Variants in SH3PXD2B observed in about 807,000 individuals in gnomAD.
SH3PXD2B encodes the protein SH3 and PX domain-containing protein 2B.
In SH3PXD2B, 37 loss-of-function variants were observed where a neutral mutation model predicts 73.1. The ratio of observed to expected loss-of-function variants is 0.51; its 90% CI spans 0.39 to 0.67. The LOEUF (loss-of-function observed/expected upper bound fraction) is 0.67, where lower values mean the gene tolerates loss of function less well. SH3PXD2B is among the 30% of genes least tolerant of loss of function. The pLI, the probability that SH3PXD2B is intolerant of heterozygous loss-of-function variation, is 0.00. For synonymous variants in SH3PXD2B, 457 were observed against 480.5 expected (o/e 0.95, Z 0.64); for missense variants, 1,053 against 1,197.8 (o/e 0.88, Z 1.78).
downstream of SH3PXD2B, among the ~76,000 whole-genome samples, chr5:172,329,079 A>ATTT (rs1386540665): frequency 0.012 from 785 of 64,332 alleles, 6 homozygotes; most frequent in South Asian, 0.023. Context: ...ATATATATAT[A>ATTT]TATATTTTTT....
chr5:172,369,057 G>T (rs1757642698), intron 6 of SH3PXD2B, among the ~76,000 whole-genome samples: 1 of 150,134 alleles, frequency 6.7e-6, no homozygotes. Context: ...ACCATGCCTG[G>T]CTAATTTTTG....
intron 12 of SH3PXD2B, among the ~76,000 whole-genome samples, chr5:172,343,514 T>G (rs1183606880): frequency 6.6e-6 from 1 of 152,068 alleles, no homozygotes; most frequent in African/African-American, 2.4e-5. Flanking sequence ...AAATGCAAGA[T>G]CAGAAGCCGG....
intron 5 of SH3PXD2B, among the ~76,000 whole-genome samples, chr5:172,378,114 G>A (rs1042084291): frequency 1.1e-4 from 16 of 152,152 alleles, no homozygotes; most frequent in African/African-American, 3.4e-4. Flanking sequence ...ACCTCCTCTC[G>A]AGGGCTGGCT....
At chr5:172,420,762 T>A (rs572144160) in intron 2 of SH3PXD2B, among the ~76,000 whole-genome samples, 1 of 152,192 alleles carries the variant, frequency 6.6e-6, no homozygotes, top group Non-Finnish European at 1.5e-5. Context: ...CACACAATAA[T>A]GTGTTTGCTG....
chr5:172,453,455 T>G (rs1462154252), intron 1 of SH3PXD2B, among the ~76,000 whole-genome samples: 2 of 152,156 alleles, frequency 1.3e-5, no homozygotes, highest in Non-Finnish European at 2.9e-5. Flanking sequence ...CCTAGGTTGC[T>G]GCGGAAGCCA....
At chr5:172,326,437 G>C (rs80015468) in intron 12 of SH3PXD2B, among the ~76,000 whole-genome samples, 21 of 152,108 alleles carry the variant, frequency 1.4e-4, no homozygotes, top group African/African-American at 5.1e-4. Flanking sequence ...TGAAGGCTTC[G>C]GAGTCTTTAA....
intron 9 of SH3PXD2B, among the ~76,000 whole-genome samples, chr5:172,352,406 A>G (rs1203815957): frequency 6.6e-6 from 1 of 151,960 alleles, no homozygotes; most frequent in African/African-American, 2.4e-5. Context: ...AAAGATTTTT[A>G]TGTAGAGATG....
intron 1 of SH3PXD2B, among the ~76,000 whole-genome samples, 171 bp from the exon 2 acceptor site, chr5:172,422,667 T>C (rs1437990005): frequency 6.6e-6 from 1 of 152,098 alleles, no homozygotes; most frequent in African/African-American, 2.4e-5. Flanking sequence ...CCCTCCTCAA[T>C]AAAATGAGTG....
At chr5:172,356,169 T>G (rs1441421237) in intron 8 of SH3PXD2B, among the ~76,000 whole-genome samples, 1 of 152,070 alleles carries the variant, frequency 6.6e-6, no homozygotes. Context: ...GGACTTGTGT[T>G]AAAGGAGAAG....
At chr5:172,356,749 G>A (rs1261427894) in intron 8 of SH3PXD2B, 20 of 152,388 alleles carry the variant, frequency 1.3e-4, no homozygotes, top group African/African-American at 4.8e-4. Context: ...CCACCGGCCG[G>A]GGCAGAGACC....
chr5:172,332,927 C>G (rs1305021076), downstream of SH3PXD2B, among the ~76,000 whole-genome samples: 1 of 126,968 alleles, frequency 7.9e-6, no homozygotes. Context: ...CAAACCCCCA[C>G]CGCACAATGT....
intron 6 of SH3PXD2B, among the ~76,000 whole-genome samples, chr5:172,368,670 ATATAAAATATATATGT>A (rs1392325010): frequency 7.3e-5 from 3 of 40,820 alleles, no homozygotes; most frequent in African/African-American, 1.5e-4. Context: ...TATTATATAT[ATATAAAATATATATGT>A]TATATATATA....
intron 10 of SH3PXD2B, among the ~76,000 whole-genome samples, chr5:172,349,947 C>T (rs1055365930): frequency 2.0e-5 from 3 of 152,058 alleles, no homozygotes; most frequent in South Asian, 2.1e-4. Flanking sequence ...CTCTGCCTCC[C>T]GGGTTCAAGC....
chr5:172,367,896 TG>T (rs1416703681), intron 6 of SH3PXD2B, among the ~76,000 whole-genome samples: 4 of 152,162 alleles, frequency 2.6e-5, no homozygotes, highest in Non-Finnish European at 5.9e-5. Context: ...AGCAGCAAGA[TG>T]GGGGCCTGGG....
intron 8 of SH3PXD2B, among the ~76,000 whole-genome samples, chr5:172,356,180 C>T (rs974783832): frequency 2.0e-5 from 3 of 151,916 alleles, no homozygotes; most frequent in Admixed American, 1.3e-4. Flanking sequence ...AAAGGAGAAG[C>T]TCTTTCTTTG....
intron 12 of SH3PXD2B, among the ~76,000 whole-genome samples, chr5:172,340,832 C>T (rs976869702): frequency 1.3e-5 from 2 of 152,144 alleles, no homozygotes; most frequent in African/African-American, 2.4e-5. Flanking sequence ...TGGTCTCTAG[C>T]GATCTGCCTG....
At chr5:172,426,937 T>C (rs1759108048) in intron 1 of SH3PXD2B, among the ~76,000 whole-genome samples, 1 of 152,212 alleles carries the variant, frequency 6.6e-6, no homozygotes, top group Non-Finnish European at 1.5e-5. Context: ...CCAGTTTGAT[T>C]TGGTGTCTGT....
Position 172,341,140 on chromosome 5 carries a change from G to A in SH3PXD2B, c.1189-1224C>T, listed in dbSNP as rs115846142. Among the ~76,000 whole-genome samples, 420 of 152,274 alleles carry A rather than the reference G, an allele frequency of 2.8e-3. 1 individual carries two copies. Among genetic ancestry groups the A allele is most frequent in the African/African-American group, 9.3e-3 (387 of 41,550 alleles). ...ATTCACACAGGTGAAAGGTGTGCTC[G>A]CTATTATGGGCTGAATTGTGTCCCC... is the stretch of plus-strand genomic sequence containing the variant. On this transcript the variant is annotated intron_variant, in intron 12 of 12. Coordinates refer to ENST00000311601, the MANE Select transcript of SH3PXD2B (RefSeq NM_001017995.3).
In SH3PXD2B at chr5:172,337,169, CA is replaced by C; in HGVS notation, c.*1199del. 1.0e-6 allele frequency: 1 copy of C among 985,530 alleles called. No individual in the cohort carries two copies. 61.0% of individuals were successfully genotyped at this position (985,530 alleles called of 1,614,324 possible). On this transcript the variant is annotated 3_prime_UTR_variant, in exon 13 of 13. Transcript: ENST00000311601. ...GTCATGGAGATGCAGCTGTTGAGTC[CA>C]GGGCAGCCTTTGGTATAGGCTGCTG...
Sources: gnomAD v4.1 joint callset for allele counts (sites outside exome capture counted in the v4.1 genomes callset) on GRCh38, gnomAD v4.1.1 for gene constraint, MANE v1.5 for transcripts, NCBI Gene and HGNC (gene_info 2026-07-23, HGNC 2026-07-21) for gene names.